PLCB1: variants seen among roughly 807,000 people sequenced by gnomAD.
PLCB1 encodes 1-phosphatidylinositol 4,5-bisphosphate phosphodiesterase beta-1.
Under a neutral mutation model 161.8 loss-of-function variants are expected in PLCB1, and 46 were observed. That is an observed-to-expected ratio of 0.28 (90% confidence interval 0.22 to 0.36). The LOEUF is 0.36. Among genes scored for constraint, PLCB1 ranks in the 10% least tolerant of loss-of-function variants. The probability of loss-of-function intolerance (pLI) is 1.00; values close to 1 mark genes in which losing one functional copy is unlikely to be tolerated. For synonymous variants in PLCB1, 517 were observed against 503.7 expected (o/e 1.03, Z -0.35); for missense variants, 1,016 against 1,472.5 (o/e 0.69, Z 5.07).
chr20:8,854,239 A>C (rs1347463741), intron 31 of PLCB1, among the ~76,000 whole-genome samples: 1 of 152,172 alleles, frequency 6.6e-6, no homozygotes, highest in Non-Finnish European at 1.5e-5. Flanking sequence ...GGGTGGGACT[A>C]GATCAGGCAG....
intron 3 of PLCB1, among the ~76,000 whole-genome samples, chr20:8,374,790 G>A (rs708926): frequency 0.4 from 60,719 of 151,984 alleles, 13,055 homozygotes; most frequent in South Asian, 0.56. Flanking sequence ...GACTTTCTGC[G>A]GGGGCTTATA....
At chr20:8,683,984 A>C (rs1461326123) in intron 9 of PLCB1, among the ~76,000 whole-genome samples, 4 of 151,750 alleles carry the variant, frequency 2.6e-5, no homozygotes, top group South Asian at 2.1e-4. Context: ...CCTGGGTTCA[A>C]ACAATTCTCC....
intron 31 of PLCB1, among the ~76,000 whole-genome samples, chr20:8,869,905 A>G (rs1274929894): frequency 6.6e-6 from 1 of 151,952 alleles, no homozygotes; most frequent in Non-Finnish European, 1.5e-5. Context: ...AGGTGACTCA[A>G]CTCTTTTCCT....
intron 2 of PLCB1, among the ~76,000 whole-genome samples, chr20:8,221,502 C>T (rs1379951751): frequency 1.3e-5 from 2 of 152,062 alleles, no homozygotes; most frequent in South Asian, 2.1e-4. Context: ...CTATATGTTT[C>T]ACAATAAAGG....
intron 31 of PLCB1, among the ~76,000 whole-genome samples, chr20:8,838,273 T>C: frequency 6.6e-6 from 1 of 152,242 alleles, no homozygotes; most frequent in Non-Finnish European, 1.5e-5. Context: ...AATGGACCTA[T>C]GGTGTTTTAC....
At chr20:8,786,331 C>G (rs1983479926) in intron 27 of PLCB1, among the ~76,000 whole-genome samples, 2 of 152,136 alleles carry the variant, frequency 1.3e-5, no homozygotes, top group South Asian at 4.2e-4. Flanking sequence ...AAAGTAATGC[C>G]TCATGATTTC....
In PLCB1 at chr20:8,366,775, C is replaced by CCTTTAAT. The variant is rs1986725750; in HGVS notation, c.178-4607_178-4606insCTTTAAT. On this transcript the variant is annotated intron_variant, in intron 2 of 31. Coordinates refer to ENST00000338037, the MANE Select transcript of PLCB1 (RefSeq NM_015192.4). ...TAAAGGGTTCTTTTAGTACATGCCT[C>CCTTTAAT]GTTTAATGATTCCGGTAGGTTCTTT... Among the ~76,000 whole-genome samples, 5 of 149,582 alleles carry CCTTTAAT rather than the reference C, an allele frequency of 3.3e-5. No homozygotes were observed. In the South Asian group the frequency reaches 8.3e-4, roughly 25 times the overall value.
chr20:8,349,993 A>G lies in PLCB1; in HGVS notation c.178-21389A>G, dbSNP rs1986131317. Among the ~76,000 whole-genome samples, 2 of 152,366 alleles carry G rather than the reference A, an allele frequency of 1.3e-5. 1 individual carries two copies. The highest frequency in any genetic ancestry group is 4.1e-4 in the South Asian group (2 of 4,824). Reference sequence around the variant, plus strand: ...TTAAAAAAAACTTTCTAGAACAAATAAGTGAGTAAAGCAAGATGCAATATC... The same window carrying G: ...TTAAAAAAAACTTTCTAGAACAAATGAGTGAGTAAAGCAAGATGCAATATC... On this transcript the variant is annotated intron_variant, in intron 2 of 31. Coordinates refer to ENST00000338037, the MANE Select transcript of PLCB1 (RefSeq NM_015192.4).
chr20:8,698,165 A>G (rs545156789), intron 11 of PLCB1, among the ~76,000 whole-genome samples: 1 of 152,302 alleles, frequency 6.6e-6, no homozygotes, highest in South Asian at 2.1e-4. Flanking sequence ...ATCTAAATCG[A>G]GAAATAGAAA....
chr20:8,452,778 A>G (rs1175511748), intron 3 of PLCB1, among the ~76,000 whole-genome samples: 3 of 152,224 alleles, frequency 2.0e-5, no homozygotes, highest in African/African-American at 4.8e-5. Context: ...TAACCAGATG[A>G]ATACATTGGA....
chr20:8,344,500 A>G (rs778575279), intron 2 of PLCB1, among the ~76,000 whole-genome samples: 1 of 152,090 alleles, frequency 6.6e-6, no homozygotes, highest in Non-Finnish European at 1.5e-5. Flanking sequence ...CACATCCTTT[A>G]TTATTTTCCC....
intron 3 of PLCB1, among the ~76,000 whole-genome samples, chr20:8,472,244 G>A (rs1982085484): frequency 6.6e-6 from 1 of 151,936 alleles, no homozygotes; most frequent in Admixed American, 6.6e-5. Context: ...GAGTTTTTTG[G>A]GGGCCAAATT....
intron 2 of PLCB1, among the ~76,000 whole-genome samples, chr20:8,232,578 G>T (rs1980110673): frequency 6.6e-6 from 1 of 152,116 alleles, no homozygotes; most frequent in African/African-American, 2.4e-5. Flanking sequence ...AACAGCTTTG[G>T]AGTCTCTCAT....
intron 2 of PLCB1, among the ~76,000 whole-genome samples, chr20:8,321,254 T>C (rs1409197622): frequency 1.3e-5 from 2 of 152,212 alleles, no homozygotes; most frequent in East Asian, 3.8e-4. Flanking sequence ...TCCCTTTTTA[T>C]AGCACAATGT....
At chr20:8,318,020 A>C (rs556695825) in intron 2 of PLCB1, among the ~76,000 whole-genome samples, 2 of 151,356 alleles carry the variant, frequency 1.3e-5, no homozygotes, top group Non-Finnish European at 2.9e-5. Flanking sequence ...AATTTATCTA[A>C]CATCTCAACT....
chr20:8,377,590 AGGT>A (rs1329118150), intron 3 of PLCB1, among the ~76,000 whole-genome samples: 2 of 152,144 alleles, frequency 1.3e-5, no homozygotes, highest in African/African-American at 4.8e-5. Context: ...GTAGCTAGAG[AGGT>A]GGTGAACAAA....
intron 9 of PLCB1, among the ~76,000 whole-genome samples, chr20:8,661,910 G>A (rs1315534705): frequency 2.0e-5 from 2 of 101,426 alleles, no homozygotes; most frequent in African/African-American, 7.9e-5. Flanking sequence ...TAAACCCTGT[G>A]CCCCTAGAGA....
intron 2 of PLCB1, among the ~76,000 whole-genome samples, chr20:8,155,192 C>T (rs1327011265): frequency 6.6e-6 from 1 of 152,124 alleles, no homozygotes; most frequent in Non-Finnish European, 1.5e-5. Context: ...TATTTTCTGC[C>T]TTTCTTACTT....
intron 15 of PLCB1, among the ~76,000 whole-genome samples, chr20:8,724,444 A>G (rs1204357689): frequency 6.6e-6 from 1 of 152,058 alleles, no homozygotes; most frequent in Non-Finnish European, 1.5e-5. Flanking sequence ...GCTGCCAGCC[A>G]CCATTCAACC....
Sources: gnomAD v4.1 joint callset for allele counts (sites outside exome capture counted in the v4.1 genomes callset) on GRCh38, gnomAD v4.1.1 for gene constraint, MANE v1.5 for transcripts, NCBI Gene and HGNC (gene_info 2026-07-23, HGNC 2026-07-21) for gene names.